Variants in GALNT13 observed in about 807,000 individuals in gnomAD.
GALNT13 encodes UDP-GalNAc:polypeptide N-acetylgalactosaminyltransferase 13.
Under a neutral mutation model 64.2 loss-of-function variants are expected in GALNT13, and 28 were observed. That is an observed-to-expected ratio of 0.44 (90% confidence interval 0.32 to 0.60). The LOEUF is 0.60. Ranked by LOEUF, GALNT13 falls within the 20% of genes least tolerant of loss-of-function variation. GALNT13 has a pLI of 0.05. For missense variants in GALNT13, 577 were observed against 669.8 expected (o/e 0.86, Z 1.53); for synonymous variants, 214 against 224.6 (o/e 0.95, Z 0.42).
intron 10 of GALNT13, among the ~76,000 whole-genome samples, chr2:154,397,656 A>T (rs1188145745): frequency 3.9e-5 from 6 of 152,148 alleles, no homozygotes; most frequent in Non-Finnish European, 7.4e-5. Context: ...AGAAAAAAAT[A>T]CTTGAGGTGA....
At chr2:153,569,456 C>G in the GALNT13 span, among the ~76,000 whole-genome samples, 3 of 150,986 alleles carry the variant, frequency 2.0e-5, no homozygotes, top group Middle Eastern at 3.4e-3. Context: ...TTATAGAAGT[C>G]CTCAGTTGAA....
intron 8 of GALNT13, among the ~76,000 whole-genome samples, chr2:154,295,348 T>TTTTTTTTATTTA (rs1553510429): frequency 8.4e-5 from 12 of 142,222 alleles, no homozygotes; most frequent in Admixed American, 7.1e-4. Context: ...ATTCTTTTTA[T>TTTTTTTTATTTA]TTTATTTATT....
At chr2:153,122,209 T>A in the GALNT13 span, among the ~76,000 whole-genome samples, 8 of 151,958 alleles carry the variant, frequency 5.3e-5, no homozygotes, top group Admixed American at 2.0e-4. Context: ...TATTGTTTAC[T>A]GTAGCACCCC....
chr2:153,086,172 T>A, the GALNT13 span, among the ~76,000 whole-genome samples: 1 of 152,210 alleles, frequency 6.6e-6, no homozygotes, highest in Non-Finnish European at 1.5e-5. Context: ...ACTAACTTGC[T>A]GTTGATTTTA....
chr2:153,434,895 G>A, the GALNT13 span, among the ~76,000 whole-genome samples: 1 of 152,064 alleles, frequency 6.6e-6, no homozygotes, highest in Non-Finnish European at 1.5e-5. Context: ...TAGACATGAA[G>A]TCCTTGCCCA....
chr2:153,567,443 C>T, the GALNT13 span, among the ~76,000 whole-genome samples: 3 of 152,174 alleles, frequency 2.0e-5, no homozygotes, highest in African/African-American at 7.2e-5. Flanking sequence ...GGTAAGGACA[C>T]AAAGGCCTGG....
At chr2:153,910,360 C>A (rs1688856405) in intron 2 of GALNT13, among the ~76,000 whole-genome samples, 1 of 151,912 alleles carries the variant, frequency 6.6e-6, no homozygotes, top group South Asian at 2.1e-4. Flanking sequence ...TTCTATCCAT[C>A]TTTTTAATTT....
intron 3 of GALNT13, among the ~76,000 whole-genome samples, chr2:153,963,923 A>AT (rs555888223): frequency 6.6e-6 from 1 of 151,956 alleles, no homozygotes; most frequent in Admixed American, 6.6e-5. Context: ...AATCTAACGT[A>AT]TTTTTTTATG....
At chr2:153,729,770 T>A in the GALNT13 span, among the ~76,000 whole-genome samples, 3 of 152,158 alleles carry the variant, frequency 2.0e-5, no homozygotes, top group East Asian at 3.9e-4. Flanking sequence ...GATAAATGAC[T>A]TTAGTAAAGC....
intron 4 of GALNT13, among the ~76,000 whole-genome samples, chr2:154,225,113 T>TAGATAGATAGAA (rs1688523103): frequency 7.2e-6 from 1 of 139,216 alleles, no homozygotes; most frequent in Non-Finnish European, 1.6e-5. Context: ...GATAGATAGA[T>TAGATAGATAGAA]AGATAGATAG....
chr2:153,236,036 G>T, the GALNT13 span, among the ~76,000 whole-genome samples: 1 of 152,118 alleles, frequency 6.6e-6, no homozygotes, highest in Non-Finnish European at 1.5e-5. Context: ...TGGCTGATAT[G>T]GAGGAAGTTT....
intron 3 of GALNT13, among the ~76,000 whole-genome samples, chr2:154,055,215 A>G (rs1399184178): frequency 6.6e-6 from 1 of 152,004 alleles, no homozygotes; most frequent in African/African-American, 2.4e-5. Context: ...TCTGTCTATG[A>G]GAAGATAAAA....
chr2:153,185,410 C>T, the GALNT13 span, among the ~76,000 whole-genome samples: 539 of 152,204 alleles, frequency 3.5e-3, 2 homozygotes, highest in African/African-American at 0.013. Context: ...AAACCAGCTC[C>T]TGAGTTTGTG....
chr2:154,028,996 A>G (rs1011855028), intron 3 of GALNT13, among the ~76,000 whole-genome samples: 1 of 152,090 alleles, frequency 6.6e-6, no homozygotes, highest in African/African-American at 2.4e-5. Flanking sequence ...AGATACTGCC[A>G]GATAGCAGTA....
At chr2:153,816,034 G>T in the GALNT13 span, among the ~76,000 whole-genome samples, 1 of 152,170 alleles carries the variant, frequency 6.6e-6, no homozygotes, top group African/African-American at 2.4e-5. Context: ...ATACCTGAGA[G>T]TCAGAAAGGC....
the GALNT13 span, among the ~76,000 whole-genome samples, chr2:153,202,998 TTCAGAGTTTA>T: frequency 4.0e-4 from 61 of 152,348 alleles, 1 homozygote; most frequent in Middle Eastern, 0.01. Context: ...CTCCAGTTTC[TTCAGAGTTTA>T]TCAGAGTCTG....
chr2:154,225,268 T>G (rs1413722769), intron 4 of GALNT13, among the ~76,000 whole-genome samples: 1 of 152,084 alleles, frequency 6.6e-6, no homozygotes, highest in African/African-American at 2.4e-5. Context: ...TCTTAATTTT[T>G]AAAAATGCAA....
chr2:153,667,425 C>A, the GALNT13 span, among the ~76,000 whole-genome samples: 1 of 152,190 alleles, frequency 6.6e-6, no homozygotes, highest in Non-Finnish European at 1.5e-5. Flanking sequence ...AACAGAAGGT[C>A]TTTCATGAGA....
At position 154,301,398 on chromosome 2, in the gene GALNT13, C is replaced by A. The variant is rs1295704290; in HGVS notation, c.976-11C>A. On this transcript the variant is annotated splice_polypyrimidine_tract_variant and intron_variant, in intron 8 of 12. Transcript: ENST00000392825. ...TATTGCATTATTTACAATGATTGTTCCTTTTCCCAGATTTGGCAATGTGGA... is the reference window on the plus strand; with the variant it reads ...TATTGCATTATTTACAATGATTGTTACTTTTCCCAGATTTGGCAATGTGGA... The A allele has an allele frequency of 6.2e-7, 1 of 1,606,858 alleles. No homozygotes were observed.
Sources: gnomAD v4.1 joint callset for allele counts (sites outside exome capture counted in the v4.1 genomes callset) on GRCh38, gnomAD v4.1.1 for gene constraint, MANE v1.5 for transcripts, NCBI Gene and HGNC (gene_info 2026-07-23, HGNC 2026-07-21) for gene names.